The following UGT2B17 variants were observed in gnomAD, a reference collection of about 807,000 sequenced individuals.
UGT2B17 encodes UDP-glucuronosyltransferase 2B17.
UGT2B17 carries 21 observed loss-of-function variants against 48.2 expected under a neutral mutation model. The observed-to-expected ratio is 0.44, with a 90% confidence interval of 0.31 to 0.63. UGT2B17 has a LOEUF of 0.63. Ranked by LOEUF, UGT2B17 falls within the 20% of genes least tolerant of loss-of-function variation. The pLI is 0.08. For missense variants in UGT2B17, 402 were observed against 696.1 expected (o/e 0.58, Z 4.75); for synonymous variants, 146 against 238.4 (o/e 0.61, Z 3.57).
In UGT2B17 at chr4:68,558,873, C is replaced by T. The variant is rs1347065164; in HGVS notation, c.1005+1664G>A. On this transcript the variant is annotated intron_variant, in intron 4 of 6. Transcript: ENST00000317746. The stretch of plus-strand genomic sequence containing the variant: ...GAGATAAATGCATATCTGATTGCCT[C>T]CTTTGGAGAGCCTAATCAGAAGCTC... Among the ~76,000 whole-genome samples the T allele has an allele frequency of 4.0e-5, 5 of 125,722 alleles. 2 individuals are homozygous for T. The highest frequency in any genetic ancestry group is 8.4e-5 in the Non-Finnish European group (5 of 59,316). 82.5% of individuals were successfully genotyped at this position (125,722 alleles called of 152,430 possible).
chr4:68,576,309 T>TA lies in UGT2B17; in HGVS notation c.-424dup, dbSNP rs1731374213. Among the ~76,000 whole-genome samples the TA allele has an allele frequency of 7.9e-6, 1 of 126,010 alleles. No individual in the cohort carries two copies. Among genetic ancestry groups the TA allele is most frequent in the Non-Finnish European group, 1.7e-5 (1 of 59,476 alleles). 82.7% of individuals were successfully genotyped at this position (126,010 alleles called of 152,430 possible). A position where few individuals can be genotyped will look rare whatever the true frequency, so the allele number is the denominator to read the frequency against. On this transcript the variant is annotated 5_prime_UTR_variant, in exon 1 of 7. Coordinates refer to ENST00000317746, the MANE Select transcript of UGT2B17 (RefSeq NM_001077.4). ...TGGGAACATTGGCAAGATACTGCCT[T>TA]AAAATCTGAGCTCCCCGAGTGCACA...
At chr4:68,543,427 C>A (rs1730723108) in intron 6 of UGT2B17, among the ~76,000 whole-genome samples, 1 of 125,258 alleles carries the variant, frequency 8.0e-6, no homozygotes. Flanking sequence ...ACACCAAAAC[C>A]CATTTCTACA....
intron 1 of UGT2B17, among the ~76,000 whole-genome samples, chr4:68,569,221 C>T (rs1188611722): frequency 7.8e-6 from 1 of 127,774 alleles, no homozygotes; most frequent in African/African-American, 2.7e-5. Context: ...CTGAGAGGAT[C>T]CACACACCCT....
intron 6 of UGT2B17, among the ~76,000 whole-genome samples, chr4:68,545,477 C>G (rs186386085): frequency 0.056 from 7,007 of 124,362 alleles, 1,636 homozygotes; most frequent in African/African-American, 0.16. Flanking sequence ...AAGCAGGAAA[C>G]ATCTAAAATT....
rs1225458098 is a variant in UGT2B17 at position 68,559,667 on chromosome 4, G to A, written c.1005+870C>T. ...GGCTATGCAGATAAGAAAGTAAAAC[G>A]TAAATTGAAAATACACAAAGATTGT... On this transcript the variant is annotated intron_variant, in intron 4 of 6. Coordinates refer to ENST00000317746, the MANE Select transcript of UGT2B17 (RefSeq NM_001077.4). 4.0e-5 allele frequency among the ~76,000 whole-genome samples: 5 copies of A among 126,038 alleles called. 2 individuals are homozygous for A. Among genetic ancestry groups the A allele is most frequent in the Non-Finnish European group, 8.4e-5 (5 of 59,580 alleles). 82.7% of individuals were successfully genotyped at this position (126,038 alleles called of 152,430 possible). A position where few individuals can be genotyped will look rare whatever the true frequency, so the allele number is the denominator to read the frequency against.
At chr4:68,537,953 T>A (rs747668079) in intron 6 of UGT2B17, 49 bp from the exon 7 acceptor site, 1 of 1,231,620 alleles carries the variant, frequency 8.1e-7, no homozygotes, top group African/African-American at 1.5e-5. Context: ...ATTTATTGCT[T>A]AAGCATATCA....
chr4:68,546,486 G>C (rs1477534467), intron 6 of UGT2B17, among the ~76,000 whole-genome samples: 1 of 126,230 alleles, frequency 7.9e-6, no homozygotes, highest in Non-Finnish European at 1.7e-5. Context: ...ATGGGCAAAA[G>C]GTGGAAGCAT....
Position 68,544,284 on chromosome 4 carries a change from T to C in UGT2B17, c.1314-6380A>G, listed in dbSNP as rs1270781029. On this transcript the variant is annotated intron_variant, in intron 6 of 6. Transcript: ENST00000317746. ...GAGAGTGGGGGCCAATATTCAACAT[T>C]CTTAAAGAAAAGAATCTTCAACCCA... Among the ~76,000 whole-genome samples the C allele has an allele frequency of 1.6e-5, 2 of 126,564 alleles. 1 individual carries two copies. Among genetic ancestry groups the C allele is most frequent in the Non-Finnish European group, 3.3e-5 (2 of 59,716 alleles). The allele number at this position is 126,564 out of a possible 152,430, so 83.0% of individuals were successfully genotyped here. A position where few individuals can be genotyped will look rare whatever the true frequency, so the allele number is the denominator to read the frequency against.
chr4:68,544,288 A>C (rs1170581408), intron 6 of UGT2B17, among the ~76,000 whole-genome samples: 2 of 126,740 alleles, frequency 1.6e-5, no homozygotes, highest in African/African-American at 5.4e-5. Flanking sequence ...CAACATTCTT[A>C]AAGAAAAGAA....
intron 4 of UGT2B17, among the ~76,000 whole-genome samples, chr4:68,559,131 T>A (rs1731056841): frequency 8.0e-6 from 1 of 125,558 alleles, no homozygotes; most frequent in South Asian, 3.6e-4. Context: ...ATAAATTTAT[T>A]AATTTTTGAG....
At chr4:68,575,217 C>G (rs1443049291) in intron 1 of UGT2B17, among the ~76,000 whole-genome samples, 2 of 90,912 alleles carry the variant, frequency 2.2e-5, no homozygotes, top group African/African-American at 8.1e-5. Context: ...GCTGGTCTTT[C>G]CTTGCCTCTG....
Position 68,556,972 on chromosome 4 carries a change from A to G in UGT2B17, c.1005+3565T>C, listed in dbSNP as rs1320153795. 1.6e-5 allele frequency among the ~76,000 whole-genome samples: 2 copies of G among 125,174 alleles called. 1 individual carries two copies. The highest frequency in any genetic ancestry group is 3.4e-5 in the Non-Finnish European group (2 of 59,072). The allele number at this position is 125,174 out of a possible 152,430, so 82.1% of individuals were successfully genotyped here. On this transcript the variant is annotated intron_variant, in intron 4 of 6. Transcript: ENST00000317746. ...AATCCTTTAATTTATTAGTTTCCCT[A>G]AAGTCCAAAAATGACATAATTTGGC...
At chr4:68,545,698 A>G (rs1323470164) in intron 6 of UGT2B17, among the ~76,000 whole-genome samples, 1 of 126,158 alleles carries the variant, frequency 7.9e-6, no homozygotes, top group African/African-American at 2.7e-5. Flanking sequence ...AAAGAAGAAA[A>G]GAGAGACGAA....
intron 6 of UGT2B17, among the ~76,000 whole-genome samples, chr4:68,541,152 G>A (rs1730648395): frequency 8.0e-6 from 1 of 125,492 alleles, no homozygotes; most frequent in Middle Eastern, 3.9e-3. Context: ...TATGCCTTTG[G>A]GTATATATCA....
At chr4:68,563,729 C>T (rs1197271483) in intron 3 of UGT2B17, among the ~76,000 whole-genome samples, 1 of 126,114 alleles carries the variant, frequency 7.9e-6, no homozygotes, top group African/African-American at 2.7e-5. Flanking sequence ...ACAGAATTAC[C>T]TTTTAAGCTA....
rs1730575368 is a variant in UGT2B17 at position 68,537,568 on chromosome 4, C to A, written c.*57G>T. 2.4e-6 allele frequency: 3 copies of A among 1,249,342 alleles called. No homozygotes were observed. Among genetic ancestry groups the A allele is most frequent in the South Asian group, 2.4e-5 (1 of 41,296 alleles). The allele number at this position is 1,249,342 out of a possible 1,614,324, so 77.4% of individuals were successfully genotyped here. On this transcript the variant is annotated 3_prime_UTR_variant, in exon 7 of 7. Transcript: ENST00000317746. Reference sequence around the variant, plus strand: ...AATCCTCCATTTAAAACCCTCCATGCTGGAATAAAGGAGGAGTCCCATCTT... The same window carrying A: ...AATCCTCCATTTAAAACCCTCCATGATGGAATAAAGGAGGAGTCCCATCTT...
At position 68,540,083 on chromosome 4, in the gene UGT2B17, G is replaced by A. The variant is rs1214264931; in HGVS notation, c.1314-2179C>T. On this transcript the variant is annotated intron_variant, in intron 6 of 6. Transcript: ENST00000317746. ...TTACAGGTGTGAGCCACCACACCCA[G>A]TCTCCATAAACTCTTTTAAAAATGT... is the stretch of plus-strand genomic sequence containing the variant. Among the ~76,000 whole-genome samples the A allele has an allele frequency of 2.4e-5, 3 of 123,804 alleles. 1 individual carries two copies. Among genetic ancestry groups the A allele is most frequent in the Non-Finnish European group, 5.1e-5 (3 of 58,974 alleles). The allele number at this position is 123,804 out of a possible 152,430, so 81.2% of individuals were successfully genotyped here.
At chr4:68,553,856 T>C (rs563102983) in intron 4 of UGT2B17, among the ~76,000 whole-genome samples, 1 of 118,266 alleles carries the variant, frequency 8.5e-6, no homozygotes, top group African/African-American at 2.9e-5. Context: ...GTGGTTTACA[T>C]AGGAAAATGA....
intron 1 of UGT2B17, among the ~76,000 whole-genome samples, chr4:68,574,954 C>T (rs56015043): frequency 0.42 from 46,172 of 109,730 alleles, 15,512 homozygotes; most frequent in Admixed American, 0.54. Context: ...CCTCCCCCCC[C>T]TTTTTTTTTT....
Sources: allele counts gnomAD v4.1 joint callset (sites outside exome capture counted in the v4.1 genomes callset), GRCh38; gene constraint gnomAD v4.1.1; transcripts MANE v1.5; gene names NCBI Gene and HGNC (gene_info 2026-07-23, HGNC 2026-07-21).